Variants in LIMS1 observed in about 807,000 individuals in gnomAD.
LIMS1 encodes LIM and senescent cell antigen-like-containing domain protein 1.
Under a neutral mutation model 44.1 loss-of-function variants are expected in LIMS1, and 18 were observed. That is an observed-to-expected ratio of 0.41 (90% CI 0.28 to 0.61). LIMS1 has a LOEUF of 0.61. Among genes scored for constraint, LIMS1 ranks in the 20% least tolerant of loss-of-function variants. The pLI, the probability that LIMS1 is intolerant of heterozygous loss-of-function variation, is 0.32. For missense variants in LIMS1, 201 were observed against 422.0 expected (o/e 0.48, Z 4.59); for synonymous variants, 93 against 149.1 (o/e 0.62, Z 2.74).
At chr2:108,616,192 A>C (rs1308589608) in intron 1 of LIMS1, among the ~76,000 whole-genome samples, 2 of 129,406 alleles carry the variant, frequency 1.5e-5, no homozygotes, top group Non-Finnish European at 3.2e-5. Context: ...GCAAGTTTGC[A>C]TGGGCTTTTT....
In LIMS1 at chr2:108,607,286, C is replaced by T. The variant is rs771251782; in HGVS notation, c.33-52319C>T. 3 of 1,547,034 alleles carry T rather than the reference C, an allele frequency of 1.9e-6. No homozygotes were observed. The South Asian group carries it at 3.6e-5, about 18-fold the overall frequency. On this transcript the variant is annotated intron_variant, in intron 1 of 9. Coordinates refer to ENST00000544547, the Ensembl canonical transcript of LIMS1. ...TGCTGCTGCACAATATTGAGCTGTTCCCCCTCCAAATGAAACACAAATAGA... is the reference window on the plus strand; with the variant it reads ...TGCTGCTGCACAATATTGAGCTGTTTCCCCTCCAAATGAAACACAAATAGA...
intron 1 of LIMS1, chr2:108,588,600 C>T (rs1686215622): frequency 1.0e-6 from 1 of 985,400 alleles, no homozygotes; most frequent in Non-Finnish European, 1.2e-6. Flanking sequence ...AAGAAATGGA[C>T]ATGATTGCCT....
Position 108,672,403 on chromosome 2 carries a change from AG to A in LIMS1, c.340del (p.Glu114LysfsTer46). On this transcript the variant is annotated frameshift_variant, in exon 4 of 10. Coordinates refer to ENST00000544547, the Ensembl canonical transcript of LIMS1. LOFTEE classifies it high-confidence loss of function. ...GAGTGCTTCCGCTGTGACCTCTGCCAGGAAGTTCTGGCAGATATCGGGTTTG... is the reference window on the plus strand; with the variant it reads ...GAGTGCTTCCGCTGTGACCTCTGCCAGAAGTTCTGGCAGATATCGGGTTTG... The A allele has an allele frequency of 1.8e-6, 2 of 1,115,406 alleles. No homozygotes were observed. The highest frequency in any genetic ancestry group is 2.5e-6 in the Non-Finnish European group (2 of 797,978). 69.1% of individuals were successfully genotyped at this position (1,115,406 alleles called of 1,614,324 possible).
At chr2:108,595,016 G>C (rs1686595061) in intron 1 of LIMS1, among the ~76,000 whole-genome samples, 1 of 152,196 alleles carries the variant, frequency 6.6e-6, no homozygotes, top group South Asian at 2.1e-4. Flanking sequence ...CTCTGTGGAA[G>C]GAAGGTACCA....
At chr2:108,667,310 C>T (rs1037710831) in intron 2 of LIMS1, among the ~76,000 whole-genome samples, 6 of 152,028 alleles carry the variant, frequency 3.9e-5, no homozygotes, top group African/African-American at 1.4e-4. Flanking sequence ...TGAGCTAGAA[C>T]AAACAGACCA....
chr2:108,598,937 A>G (rs1243135118), intron 1 of LIMS1, among the ~76,000 whole-genome samples: 1 of 152,156 alleles, frequency 6.6e-6, no homozygotes, highest in African/African-American at 2.4e-5. Flanking sequence ...TCTAAACTTC[A>G]GTCTGTGGGC....
At chr2:108,656,823 A>G (rs1690894549) in intron 1 of LIMS1, among the ~76,000 whole-genome samples, 1 of 109,694 alleles carries the variant, frequency 9.1e-6, no homozygotes, top group Non-Finnish European at 1.9e-5. Context: ...CTGGTCAGTG[A>G]TAATCAAACG....
intron 1 of LIMS1, among the ~76,000 whole-genome samples, chr2:108,612,202 T>C (rs553322693): frequency 2.0e-5 from 3 of 151,902 alleles, no homozygotes; most frequent in African/African-American, 7.2e-5. Flanking sequence ...TGTTTTAGAA[T>C]TAGAATCACC....
intron 1 of LIMS1, among the ~76,000 whole-genome samples, chr2:108,572,072 T>G (rs1237893067): frequency 1.3e-5 from 2 of 152,210 alleles, no homozygotes; most frequent in Non-Finnish European, 2.9e-5. Flanking sequence ...GTCTAAATAC[T>G]GGTTGTGTCA....
intron 1 of LIMS1, among the ~76,000 whole-genome samples, chr2:108,567,762 G>C (rs919851183): frequency 9.2e-5 from 14 of 152,062 alleles, no homozygotes; most frequent in African/African-American, 3.4e-4. Context: ...AGTAGAGGCG[G>C]GGTTTCTCCA....
chr2:108,628,847 C>G (rs533120002), intron 1 of LIMS1, among the ~76,000 whole-genome samples: 1 of 152,338 alleles, frequency 6.6e-6, no homozygotes, highest in South Asian at 2.1e-4. Context: ...GGGTCTTGCT[C>G]TATCACCCAG....
chr2:108,597,841 C>G (rs1051712367), intron 1 of LIMS1, among the ~76,000 whole-genome samples: 44 of 151,764 alleles, frequency 2.9e-4, no homozygotes, highest in African/African-American at 2.4e-5. Flanking sequence ...TACAGGCGCC[C>G]GCTGCCACAC....
intron 1 of LIMS1, among the ~76,000 whole-genome samples, chr2:108,549,286 T>C (rs1340350128): frequency 1.4e-5 from 1 of 71,858 alleles, no homozygotes; most frequent in African/African-American, 4.4e-5. Flanking sequence ...TTTCTTTTTT[T>C]TTTTTTTTTT....
chr2:108,663,790 T>C (rs754014742), intron 2 of LIMS1, among the ~76,000 whole-genome samples: 2 of 152,108 alleles, frequency 1.3e-5, no homozygotes, highest in South Asian at 2.1e-4. Flanking sequence ...GTTTCACTCT[T>C]GTTGCCCAGG....
At chr2:108,682,639 C>T (rs1192942753) in intron 9 of LIMS1, among the ~76,000 whole-genome samples, 2 of 152,060 alleles carry the variant, frequency 1.3e-5, no homozygotes, top group South Asian at 2.1e-4. Flanking sequence ...GGAGAAAAGC[C>T]GTAAAGTAAT....
chr2:108,619,377 ACTTGT>A (rs1200732984), intron 1 of LIMS1, among the ~76,000 whole-genome samples: 118 of 149,730 alleles, frequency 7.9e-4, no homozygotes, highest in Non-Finnish European at 1.3e-4. Context: ...TTTTTTTTTA[ACTTGT>A]CTTGATTTTA....
At chr2:108,618,362 C>T (rs987710803) in intron 1 of LIMS1, among the ~76,000 whole-genome samples, 4 of 152,254 alleles carry the variant, frequency 2.6e-5, no homozygotes, top group South Asian at 2.1e-4. Flanking sequence ...TGGGAAAGTA[C>T]ATTTGAAAGG....
intron 1 of LIMS1, among the ~76,000 whole-genome samples, chr2:108,537,250 T>G (rs958078502): frequency 6.6e-6 from 1 of 152,204 alleles, no homozygotes; most frequent in Non-Finnish European, 1.5e-5. Flanking sequence ...AGAAAGGTCT[T>G]GGAGACCCTC....
intron 4 of LIMS1, 21 bp downstream of exon 4, chr2:108,672,466 G>A: frequency 4.6e-6 from 3 of 645,384 alleles, no homozygotes; most frequent in Non-Finnish European, 7.2e-6. Context: ...TTTCATCCTT[G>A]TCAGATGTGG....
Sources: allele counts gnomAD v4.1 joint callset (sites outside exome capture counted in the v4.1 genomes callset), GRCh38; gene constraint gnomAD v4.1.1; transcripts MANE v1.5; gene names NCBI Gene and HGNC (gene_info 2026-07-23, HGNC 2026-07-21).